MYO15B: variants seen among roughly 807,000 people sequenced by gnomAD.
MYO15B encodes the protein myosin XVB pseudogene.
In MYO15B, 207 loss-of-function variants were observed where a neutral mutation model predicts 119.3. The ratio of observed to expected loss-of-function variants is 1.73; its 90% CI spans 1.55 to 1.95. The LOEUF (loss-of-function observed/expected upper bound fraction) is 1.95. Among genes scored for constraint, MYO15B ranks in the 30% most tolerant of loss-of-function variants. MYO15B has a pLI of 0.00. For missense variants in MYO15B, 2,264 were observed against 1,203.1 expected (o/e 1.88, Z -13.04); for synonymous variants, 966 against 498.9 (o/e 1.94, Z -12.48).
At chr17:75,615,943 G>A (rs981585823) in intron 36 of MYO15B, 59 bp downstream of exon 36, 197 of 614,654 alleles carry the variant, frequency 3.2e-4, no homozygotes, top group Admixed American at 3.5e-4. Context: ...CAGGGGCAGG[G>A]GACATGGGCA....
At chr17:75,619,594 C>G (rs2058581523) in intron 45 of MYO15B, 87 bp from the exon 46 acceptor site, 1 of 688,448 alleles carries the variant, frequency 1.5e-6, no homozygotes, top group Non-Finnish European at 2.7e-6. Flanking sequence ...AAGGACAAAG[C>G]CCAGCCACTG....
At chr17:75,588,250 G>A in exon 1 of MYO15B, 1 of 398,236 alleles carries the variant, frequency 2.5e-6, no homozygotes. Context: ...AACCCCTGGT[G>A]GCCGCAGGAA....
At chr17:75,601,213 A>T (rs1241882746) in intron 14 of MYO15B, among the ~76,000 whole-genome samples, 1 of 152,000 alleles carries the variant, frequency 6.6e-6, no homozygotes, top group Non-Finnish European at 1.5e-5. Flanking sequence ...CAATTTTTAA[A>T]TTTTTTGTAG....
Position 75,589,989 on chromosome 17 carries a change from C to T in MYO15B, c.1932C>T (p.His644=). The T allele has an allele frequency of 2.5e-6, 1 of 398,746 alleles. No homozygotes were observed. Among genetic ancestry groups the T allele is most frequent in the Non-Finnish European group, 4.4e-6 (1 of 225,972 alleles). 24.7% of individuals were successfully genotyped at this position (398,746 alleles called of 1,614,324 possible). ...GCTGGGCGCAGGGCTCAGGCCCCCA[C>T]GAGGGTCCTAGGCTTGGCGCCGCCG... The change falls in exon 1 of 64, where the codon CAC becomes CAT. Residue 644 remains histidine (H), a synonymous_variant. Transcript: ENST00000645453. This position sits in a 1 kb window ranked among gnomAD's most constrained non-coding sequence, Gnocchi z 4.2.
exon 36 of MYO15B, chr17:75,615,765 C>T (rs760863421): frequency 1.4e-5 from 10 of 701,862 alleles, no homozygotes; most frequent in Admixed American, 8.0e-5. Context: ...GCAGCAGGCT[C>T]GGGCCTCCGA....
intron 19 of MYO15B, among the ~76,000 whole-genome samples, chr17:75,605,013 A>G (rs1435229913): frequency 6.6e-6 from 1 of 151,978 alleles, no homozygotes; most frequent in East Asian, 1.9e-4. Context: ...GTTGCATGCC[A>G]GTAATCCCAG....
At chr17:75,617,990 T>C in intron 42 of MYO15B, 68 bp downstream of exon 42, 1 of 692,664 alleles carries the variant, frequency 1.4e-6, no homozygotes, top group East Asian at 2.7e-5. Context: ...GCTTTGTGCA[T>C]CCCAGCCTGG....
In MYO15B at chr17:75,595,614, A is replaced by G. The variant is rs201770206; in HGVS notation, c.3297+642A>G. On this transcript the variant is annotated intron_variant, in intron 12 of 63. Transcript: ENST00000645453. ...AGTCCATGAGAGAGCTGTGTGCTCC[A>G]GGGCAGCCGTTCTGTCCCACTCTGG... Among the ~76,000 whole-genome samples, 139 of 152,340 alleles carry G rather than the reference A, an allele frequency of 9.1e-4. No individual in the cohort carries two copies. The East Asian group carries it at 0.014, about 16-fold the overall frequency.
rs67823231 is a variant in MYO15B at position 75,598,266 on chromosome 17, C to CAAA, written c.3525+1373_3525+1375dup. Among the ~76,000 whole-genome samples the CAAA allele has an allele frequency of 9.5e-4, 133 of 140,130 alleles. 1 individual carries two copies. Among genetic ancestry groups the CAAA allele is most frequent in the South Asian group, 1.6e-3 (7 of 4,452 alleles). The allele number at this position is 140,130 out of a possible 152,430, so 91.9% of individuals were successfully genotyped here. A position where few individuals can be genotyped will look rare whatever the true frequency, so the allele number is the denominator to read the frequency against. The stretch of plus-strand genomic sequence containing the variant: ...CTGGGGACAGAGCAAGACTCCGTCT[C>CAAA]AAAAAAAAGAAAAGAAAAGAAAAGA... On this transcript the variant is annotated intron_variant, in intron 14 of 63. Transcript: ENST00000645453.
chr17:75,595,529 TCTGTAAAACAGAATTCCCAGCAGGAC>T (rs1395604366), intron 12 of MYO15B, among the ~76,000 whole-genome samples: 3 of 152,180 alleles, frequency 2.0e-5, no homozygotes, highest in Non-Finnish European at 2.9e-5. Context: ...AGCGTTCCCG[TCTGTAAAACAGAATTCCCAGCAGGAC>T]CTACCTTGTG....
At chr17:75,604,947 G>A (rs2057529514) in intron 19 of MYO15B, among the ~76,000 whole-genome samples, 1 of 150,490 alleles carries the variant, frequency 6.6e-6, no homozygotes, top group Non-Finnish European at 1.5e-5. Context: ...GAGACCAGCT[G>A]ACCAATATAG....
At chr17:75,603,522 C>T (rs1661698) in intron 19 of MYO15B, among the ~76,000 whole-genome samples, 25,562 of 152,248 alleles carry the variant, frequency 0.17, 3,429 homozygotes, top group African/African-American at 0.37. Flanking sequence ...CATCCCTCCA[C>T]GCATTCGTCA....
chr17:75,611,423 GGT>G (rs199580345), intron 23 of MYO15B, among the ~76,000 whole-genome samples, 176 bp from the exon 24 acceptor site: 2,120 of 149,824 alleles, frequency 0.014, 47 homozygotes, highest in African/African-American at 0.049. Context: ...GAGCCATGAT[GGT>G]ACCACTGCAC....
chr17:75,599,730 C>G (rs970816585), intron 14 of MYO15B, among the ~76,000 whole-genome samples: 3 of 150,786 alleles, frequency 2.0e-5, no homozygotes, highest in Non-Finnish European at 4.4e-5. Context: ...CCTGTCTCTA[C>G]TAAAAATACA....
In MYO15B at chr17:75,622,987, C is replaced by T. The variant is rs73995927; in HGVS notation, c.8083-794C>T. Among the ~76,000 whole-genome samples the T allele has an allele frequency of 3.9e-3, 592 of 152,224 alleles. 3 individuals are homozygous for T. Among genetic ancestry groups the T allele is most frequent in the African/African-American group, 0.013 (547 of 41,552 alleles). On this transcript the variant is annotated intron_variant, in intron 53 of 63. Coordinates refer to ENST00000645453, the Ensembl canonical transcript of MYO15B. ...AGAGAGAGGTTCAAGGGCACAGCAC[C>T]GCTCAGAGGTCAGGGAGTTAAGGTG...
chr17:75,616,410 G>GAGC, exon 38 of MYO15B: 4 of 624,664 alleles, frequency 6.4e-6, no homozygotes, highest in Non-Finnish European at 1.1e-5. Flanking sequence ...GGAGGAGGAG[G>GAGC]AGGAGCAGGA....
intron 15 of MYO15B, 61 bp downstream of exon 15, chr17:75,601,624 G>A (rs2057292341): frequency 1.5e-6 from 1 of 681,036 alleles, no homozygotes; most frequent in African/African-American, 1.8e-5. Flanking sequence ...CTCCCAAGCT[G>A]AGTCACCCGA....
chr17:75,625,778 AC>A, intron 61 of MYO15B, 65 bp from the exon 62 acceptor site: 2 of 701,040 alleles, frequency 2.9e-6, no homozygotes, highest in Non-Finnish European at 5.2e-6. Flanking sequence ...GACCTGGGGG[AC>A]CAAGCAGAGC....
At chr17:75,610,281 G>A (rs998952191) in intron 22 of MYO15B, 22 bp downstream of exon 22, 24 of 681,248 alleles carry the variant, frequency 3.5e-5, no homozygotes, top group African/African-American at 1.1e-4. Context: ...TGGGTGGGGC[G>A]GTTCAGGGTA....
Sources: allele counts gnomAD v4.1 joint callset (sites outside exome capture counted in the v4.1 genomes callset), GRCh38; gene constraint gnomAD v4.1.1; non-coding constraint Gnocchi (gnomAD v3.1); transcripts MANE v1.5; gene names NCBI Gene and HGNC (gene_info 2026-07-23, HGNC 2026-07-21).